Variants in DCBLD2 observed in about 807,000 individuals in gnomAD.
The protein encoded by DCBLD2 is discoidin, CUB and LCCL domain containing 2.
DCBLD2 carries 54 observed loss-of-function variants against 86.8 expected under a neutral mutation model. The observed-to-expected ratio is 0.62, with a 90% CI of 0.50 to 0.78. DCBLD2 has a LOEUF of 0.78. Ranked by LOEUF, DCBLD2 falls within the 30% of genes least tolerant of loss-of-function variation. DCBLD2 has a pLI of 0.00. For synonymous variants in DCBLD2, 354 were observed against 341.3 expected, an observed-to-expected ratio of 1.04 and a Z score of -0.41; for missense variants, 908 against 954.2, an observed-to-expected ratio of 0.95 and a Z score of 0.64.
intron 3 of DCBLD2, among the ~76,000 whole-genome samples, chr3:98,839,183 C>CTTTCTTTCCTTTCTTT (rs1559781619): frequency 1.3e-4 from 7 of 51,950 alleles, no homozygotes; most frequent in African/African-American, 7.1e-4. Context: ...TTTCTTTCTT[C>CTTTCTTTCCTTTCTTT]CTTCCTTCCT....
In DCBLD2 at chr3:98,814,602, TTG is replaced by T. The variant is rs546100864; in HGVS notation, c.1213-2122_1213-2121del. 1.8e-3 allele frequency: 276 copies of T among 152,128 alleles called. 2 individuals carry two copies. Among genetic ancestry groups the T allele is most frequent in the Middle Eastern group, 6.8e-3 (2 of 294 alleles). 9.4% of individuals were successfully genotyped at this position (152,128 alleles called of 1,614,324 possible). On this transcript the variant is annotated intron_variant, in intron 9 of 15. Coordinates refer to ENST00000326840, the MANE Select transcript of DCBLD2 (RefSeq NM_080927.4). ...GAAAGTGATATATTATGAAAACAAA[TTG>T]TATATATATATATAAATCCCATTTT...
At chr3:98,816,742 A>C (rs1377570452) in intron 9 of DCBLD2, among the ~76,000 whole-genome samples, 1 of 152,070 alleles carries the variant, frequency 6.6e-6, no homozygotes, top group Non-Finnish European at 1.5e-5. Flanking sequence ...TCAAAATCAA[A>C]CTCATAGGAA....
At chr3:98,839,165 T>C (rs370818730) in intron 3 of DCBLD2, among the ~76,000 whole-genome samples, 52,324 of 128,130 alleles carry the variant, frequency 0.41, 9,973 homozygotes, top group South Asian at 0.43. Flanking sequence ...CTTTCTTTCT[T>C]TCTTTCCTTT....
At chr3:98,857,310 T>G (rs557384393) in intron 2 of DCBLD2, among the ~76,000 whole-genome samples, 1 of 152,322 alleles carries the variant, frequency 6.6e-6, no homozygotes, top group South Asian at 2.1e-4. Context: ...CAAGATTTAT[T>G]GCAAAGAGCG....
intron 3 of DCBLD2, among the ~76,000 whole-genome samples, chr3:98,841,562 C>T (rs1033820300): frequency 1.3e-5 from 2 of 152,146 alleles, no homozygotes; most frequent in Non-Finnish European, 2.9e-5. Context: ...TTTTGATTGA[C>T]AGTGTTGGCT....
chr3:98,820,329 C>T (rs372378304), intron 6 of DCBLD2, 41 bp from the exon 7 acceptor site: 130 of 1,352,730 alleles, frequency 9.6e-5, no homozygotes, highest in Non-Finnish European at 1.2e-4. Context: ...ACTCACATAA[C>T]ACATGATGCC....
chr3:98,799,647 T>A lies in DCBLD2; in HGVS notation c.2053A>T (p.Met685Leu), dbSNP rs368906762. The change falls in exon 16 of 16, where the codon ATG (methionine) becomes TTG (leucine). Residue 685 changes from methionine (M) to leucine (L), a missense_variant. Physicochemically the swap from Met to Leu is conservative, Grantham distance 15. Coordinates refer to ENST00000326840, the MANE Select transcript of DCBLD2 (RefSeq NM_080927.4). ...PEYATPIIMD[M>L]SGHPTTSVGQ... Reference sequence around the variant, plus strand: ...ACTGAAGTTGTGGGGTGCCCTGACATGTCCATGATGATTGGGGTTGCATAC... The same window carrying A: ...ACTGAAGTTGTGGGGTGCCCTGACAAGTCCATGATGATTGGGGTTGCATAC... 6.2e-7 allele frequency: 1 copy of A among 1,613,990 alleles called. No homozygotes were observed. Among genetic ancestry groups the A allele is most frequent in the South Asian group, 1.1e-5 (1 of 91,088 alleles).
intron 1 of DCBLD2, among the ~76,000 whole-genome samples, chr3:98,884,876 A>G (rs140814712): frequency 1.6e-3 from 251 of 152,278 alleles, no homozygotes; most frequent in Admixed American, 6.5e-3. Flanking sequence ...CCTGTAGGCT[A>G]TTATTCAACT....
intron 2 of DCBLD2, among the ~76,000 whole-genome samples, chr3:98,863,571 C>A (rs1458402843): frequency 6.6e-6 from 1 of 152,134 alleles, no homozygotes; most frequent in Non-Finnish European, 1.5e-5. Flanking sequence ...CATTTACAAC[C>A]ATCTGATCTT....
rs1458886895 is a variant in DCBLD2 at position 98,870,801 on chromosome 3, G to GAAAGAA, written c.433+10733_433+10738dup. On this transcript the variant is annotated intron_variant, in intron 2 of 15. Coordinates refer to ENST00000326840, the MANE Select transcript of DCBLD2 (RefSeq NM_080927.4). ...AGAAAGAAAGAAAGAAAGAAAGAAAGAAAGAAAGAAAGGTAGGCAGGCATT... is the reference window on the plus strand; with the variant it reads ...AGAAAGAAAGAAAGAAAGAAAGAAAGAAAGAAAAAGAAAGAAAGGTAGGCAGGCATT... Among the ~76,000 whole-genome samples the GAAAGAA allele has an allele frequency of 6.7e-5, 10 of 149,782 alleles. No homozygotes were observed. In the East Asian group the frequency reaches 9.8e-4, roughly 15 times the overall value.
intron 1 of DCBLD2, among the ~76,000 whole-genome samples, chr3:98,900,271 C>T (rs2107538163): frequency 6.6e-6 from 1 of 152,288 alleles, no homozygotes; most frequent in South Asian, 2.1e-4. Flanking sequence ...CAATCCTTAT[C>T]CTTCCCACTG....
chr3:98,845,338 C>T (rs1426507869), intron 3 of DCBLD2, among the ~76,000 whole-genome samples: 3 of 152,066 alleles, frequency 2.0e-5, no homozygotes, highest in African/African-American at 7.2e-5. Flanking sequence ...AGAGCTTTAC[C>T]CAAGAGGGCT....
chr3:98,900,941 T>C (rs901898753), intron 1 of DCBLD2, 181 bp downstream of exon 1: 8 of 1,097,924 alleles, frequency 7.3e-6, no homozygotes, highest in East Asian at 2.8e-5. Flanking sequence ...CGCGCCAACT[T>C]GGGGGACAGA....
chr3:98,884,575 GA>G (rs1401507824), intron 1 of DCBLD2, among the ~76,000 whole-genome samples: 1 of 151,886 alleles, frequency 6.6e-6, no homozygotes, highest in East Asian at 1.9e-4. Context: ...TTCCTCAGAG[GA>G]AAAAACTACC....
intron 12 of DCBLD2, 131 bp downstream of exon 12, chr3:98,811,061 AAT>A: frequency 9.8e-7 from 1 of 1,023,822 alleles, no homozygotes; most frequent in Non-Finnish European, 1.3e-6. Context: ...AAAGAAAATA[AAT>A]TTTTTTTTTT....
At chr3:98,844,034 G>GCACGCACACACACA (rs143685510) in intron 3 of DCBLD2, among the ~76,000 whole-genome samples, 3 of 145,526 alleles carry the variant, frequency 2.1e-5, no homozygotes, top group African/African-American at 5.1e-5. Context: ...AATCATGCAT[G>GCACGCACACACACA]CACACACACA....
At chr3:98,855,326 G>A (rs927910783) in intron 2 of DCBLD2, among the ~76,000 whole-genome samples, 9 of 152,148 alleles carry the variant, frequency 5.9e-5, no homozygotes, top group African/African-American at 2.2e-4. Context: ...TTAACATGGA[G>A]AAAAGCAGAG....
chr3:98,880,879 G>A (rs1157075981), intron 2 of DCBLD2, among the ~76,000 whole-genome samples: 2 of 152,100 alleles, frequency 1.3e-5, no homozygotes, highest in Non-Finnish European at 2.9e-5. Flanking sequence ...ATGCTATACT[G>A]TCTCCTAAGC....
At chr3:98,856,184 A>G (rs1942927757) in intron 2 of DCBLD2, among the ~76,000 whole-genome samples, 1 of 152,190 alleles carries the variant, frequency 6.6e-6, no homozygotes, top group Non-Finnish European at 1.5e-5. Flanking sequence ...GCTCACAAAC[A>G]GGAATTCTTG....
Sources: allele counts gnomAD v4.1 joint callset (sites outside exome capture counted in the v4.1 genomes callset), GRCh38; gene constraint gnomAD v4.1.1; transcripts MANE v1.5; gene names NCBI Gene and HGNC (gene_info 2026-07-23, HGNC 2026-07-21).